The following SPRR2B variants were observed in gnomAD, a reference collection of about 807,000 sequenced individuals.
SPRR2B encodes small proline-rich protein 2B.
SPRR2B carries 1 observed loss-of-function variant against 1.0 expected under a neutral mutation model. The observed-to-expected ratio is 1.01, with a 90% CI of 0.36 to 4.77. SPRR2B has a LOEUF of 4.77. Ranked by LOEUF, SPRR2B falls within the 30% of genes most tolerant of loss-of-function variation. The probability of loss-of-function intolerance (pLI) is 0.16; values close to 1 mark genes in which losing one functional copy is unlikely to be tolerated. For missense variants in SPRR2B, 53 were observed against 88.7 expected (o/e 0.60, Z 1.62); for synonymous variants, 27 against 33.4 (o/e 0.81, Z 0.66).
the SPRR2B span, among the ~76,000 whole-genome samples, chr1:153,079,750 CT>C: frequency 6.6e-6 from 1 of 152,072 alleles, no homozygotes; most frequent in Non-Finnish European, 1.5e-5. Flanking sequence ...CAGTACCATG[CT>C]GTTTTGGTTA....
the SPRR2B span, among the ~76,000 whole-genome samples, chr1:153,077,279 A>G: frequency 1.3e-5 from 2 of 152,200 alleles, no homozygotes; most frequent in Non-Finnish European, 2.9e-5. Flanking sequence ...GGGCAAAATT[A>G]TGGCATTTCC....
At chr1:153,079,500 C>G in the SPRR2B span, among the ~76,000 whole-genome samples, 1 of 152,148 alleles carries the variant, frequency 6.6e-6, no homozygotes, top group Admixed American at 6.5e-5. Flanking sequence ...GGTTTTAGGT[C>G]TAACATTTAA....
chr1:153,087,010 T>C, the SPRR2B span, among the ~76,000 whole-genome samples: 5 of 152,144 alleles, frequency 3.3e-5, no homozygotes, highest in East Asian at 7.7e-4. Context: ...AGGAAAAAAA[T>C]CAAGAAGTTC....
chr1:153,087,071 G>A, the SPRR2B span, among the ~76,000 whole-genome samples: 6 of 152,100 alleles, frequency 3.9e-5, no homozygotes, highest in South Asian at 1.2e-3. Context: ...TCAGTGTTAA[G>A]AGGGAAATTT....
upstream of SPRR2B, among the ~76,000 whole-genome samples, chr1:153,073,561 G>A (rs1469954597): frequency 6.6e-6 from 1 of 152,042 alleles, no homozygotes; most frequent in Non-Finnish European, 1.5e-5. Flanking sequence ...GAGTTGAGAT[G>A]GTGAACTGGA....
At chr1:153,075,613 T>C (rs143813429), upstream of SPRR2B, among the ~76,000 whole-genome samples, 2 of 152,292 alleles carry the variant, frequency 1.3e-5, no homozygotes, top group African/African-American at 4.8e-5. Context: ...GAGACTGCAT[T>C]TAAAGTATTT....
At chr1:153,075,221 T>A (rs1191240187), upstream of SPRR2B, among the ~76,000 whole-genome samples, 1 of 152,058 alleles carries the variant, frequency 6.6e-6, no homozygotes, top group African/African-American at 2.4e-5. Context: ...CAGGGGCCTG[T>A]AATCCCAGCT....
chr1:153,072,910 G>T (rs1481957825), upstream of SPRR2B, among the ~76,000 whole-genome samples: 1 of 152,160 alleles, frequency 6.6e-6, no homozygotes, highest in Non-Finnish European at 1.5e-5. Context: ...TGCTGCTGGA[G>T]CTTCCTTATC....
In SPRR2B at chr1:153,070,455, G is replaced by C. The variant is rs556926193; in HGVS notation, c.*166C>G. ...GTGGCAGTATGGCAGCCTTAGAAAGGAAACCTTTTGCTATCAGGGAACATC... is the reference window on the plus strand; with the variant it reads ...GTGGCAGTATGGCAGCCTTAGAAAGCAAACCTTTTGCTATCAGGGAACATC... On this transcript the variant is annotated 3_prime_UTR_variant, in exon 2 of 2. Transcript: ENST00000368755. 7.5e-7 allele frequency: 1 copy of C among 1,334,088 alleles called. No homozygotes were observed. The highest frequency in any genetic ancestry group is 2.8e-5 in the Admixed American group (1 of 35,504). 82.6% of individuals were successfully genotyped at this position (1,334,088 alleles called of 1,614,324 possible).
the SPRR2B span, among the ~76,000 whole-genome samples, chr1:153,080,318 C>G: frequency 6.6e-6 from 1 of 151,924 alleles, no homozygotes; most frequent in Non-Finnish European, 1.5e-5. Context: ...GCCAATTGGA[C>G]CAAATAGACA....
rs1316094888 is a variant in SPRR2B at position 153,070,351 on chromosome 1, C to G, written c.*270G>C. 1.3e-5 allele frequency: 8 copies of G among 596,834 alleles called. No homozygotes were observed. The highest frequency in any genetic ancestry group is 2.0e-5 in the Non-Finnish European group (7 of 351,458). 37.0% of individuals were successfully genotyped at this position (596,834 alleles called of 1,614,324 possible). A position where few individuals can be genotyped will look rare whatever the true frequency, so the allele number is the denominator to read the frequency against. On this transcript the variant is annotated 3_prime_UTR_variant, in exon 2 of 2. Transcript: ENST00000368755. ...ACAGAATTCTCTGATGGTTCCCAGG[C>G]ACACAGCTGCAGCTCTTTCTGCTGA...
chr1:153,071,282 C>G (rs976190088), intron 1 of SPRR2B, among the ~76,000 whole-genome samples: 2 of 151,552 alleles, frequency 1.3e-5, no homozygotes, highest in Non-Finnish European at 2.9e-5. Context: ...TGCTAAGACA[C>G]AAACCTTTGA....
At chr1:153,083,527 G>A in the SPRR2B span, among the ~76,000 whole-genome samples, 2 of 152,126 alleles carry the variant, frequency 1.3e-5, no homozygotes, top group South Asian at 2.1e-4. Context: ...CGAGATTACA[G>A]GTGCACTTCT....
chr1:153,079,119 G>A, the SPRR2B span, among the ~76,000 whole-genome samples: 118 of 152,296 alleles, frequency 7.7e-4, no homozygotes, highest in Middle Eastern at 3.4e-3. Context: ...GCCAGTGATG[G>A]TGAGCATTTT....
chr1:153,080,286 A>G, the SPRR2B span, among the ~76,000 whole-genome samples: 2 of 152,196 alleles, frequency 1.3e-5, no homozygotes, highest in Admixed American at 6.5e-5. Context: ...AGTTTGAAAA[A>G]ATAGAGGGCT....
chr1:153,071,728 A>T (rs1557910121), upstream of SPRR2B, among the ~76,000 whole-genome samples: 1 of 152,174 alleles, frequency 6.6e-6, no homozygotes, highest in Non-Finnish European at 1.5e-5. Context: ...ATTTATCCAT[A>T]ACTGGCATGA....
At position 153,070,970 on chromosome 1, in the gene SPRR2B, A is replaced by T. The variant is rs1338982637; in HGVS notation, c.-19-112T>A. ...TTCTCCAATCTCCAAAAATTTATTTAAACTCTTAGCTCTCTTTTCATGACT... is the reference window on the plus strand; with the variant it reads ...TTCTCCAATCTCCAAAAATTTATTTTAACTCTTAGCTCTCTTTTCATGACT... On this transcript the variant is annotated intron_variant, in intron 1 of 1. Coordinates refer to ENST00000368755, the MANE Select transcript of SPRR2B (RefSeq NM_001388198.1). 2.1e-6 allele frequency: 2 copies of T among 957,868 alleles called. 1 individual carries two copies. The allele number at this position is 957,868 out of a possible 1,614,324, so 59.3% of individuals were successfully genotyped here. A position where few individuals can be genotyped will look rare whatever the true frequency, so the allele number is the denominator to read the frequency against.
chr1:153,076,829 T>A, the SPRR2B span, among the ~76,000 whole-genome samples: 6 of 152,218 alleles, frequency 3.9e-5, no homozygotes, highest in Non-Finnish European at 8.8e-5. Flanking sequence ...ATGGATAAAC[T>A]GTGGTACATC....
At chr1:153,075,362 T>C (rs1654752464), upstream of SPRR2B, among the ~76,000 whole-genome samples, 1 of 150,964 alleles carries the variant, frequency 6.6e-6, no homozygotes, top group Admixed American at 6.6e-5. Context: ...AATAAATAAA[T>C]TTCAAAAAAT....
Sources: gnomAD v4.1 joint callset for allele counts (sites outside exome capture counted in the v4.1 genomes callset) on GRCh38, gnomAD v4.1.1 for gene constraint, MANE v1.5 for transcripts, NCBI Gene and HGNC (gene_info 2026-07-23, HGNC 2026-07-21) for gene names.